Variants in KYAT3 observed in about 807,000 individuals in gnomAD.
The protein encoded by KYAT3 is kynurenine--oxoglutarate transaminase 3.
Under a neutral mutation model 59.0 loss-of-function variants are expected in KYAT3, and 50 were observed. The observed-to-expected ratio is 0.85, with a 90% CI of 0.68 to 1.07. The LOEUF (loss-of-function observed/expected upper bound fraction) is 1.07, where lower values mean the gene tolerates loss of function less well. Among genes scored for constraint, KYAT3 ranks in the 50% least tolerant of loss-of-function variants. The pLI, the probability that KYAT3 is intolerant of heterozygous loss-of-function variation, is 0.00. For missense variants in KYAT3, 497 were observed against 533.3 expected, an observed-to-expected ratio of 0.93 and a Z score of 0.67; for synonymous variants, 148 against 177.0, an observed-to-expected ratio of 0.84 and a Z score of 1.30.
Position 88,964,822 on chromosome 1 carries a change from T to C in KYAT3, c.453+7A>G, listed in dbSNP as rs1157149420. 6.3e-7 allele frequency: 1 copy of C among 1,580,668 alleles called. No individual in the cohort carries two copies. Among genetic ancestry groups the C allele is most frequent in the South Asian group, 1.2e-5 (1 of 86,258 alleles). On this transcript the variant is annotated splice_region_variant and intron_variant, in intron 5 of 13. Coordinates refer to ENST00000260508, the MANE Select transcript of KYAT3 (RefSeq NM_001008661.3). The stretch of plus-strand genomic sequence containing the variant: ...TATGGGTATTACGATAATGTTAATA[T>C]ACTTACTTCATCTCCCTCATCAATT...
chr1:88,967,237 T>A (rs1676383570), intron 4 of KYAT3, among the ~76,000 whole-genome samples: 1 of 152,016 alleles, frequency 6.6e-6, no homozygotes, highest in South Asian at 2.1e-4. Context: ...ACTAATTTTA[T>A]GAGACCAGCA....
intron 2 of KYAT3, chr1:88,980,882 G>C (rs1177688946): frequency 2.0e-5 from 3 of 152,166 alleles, no homozygotes; most frequent in Non-Finnish European, 2.9e-5. Context: ...TACCCTTGTG[G>C]TCTGTGATTA....
intron 8 of KYAT3, among the ~76,000 whole-genome samples, chr1:88,955,933 T>C (rs539491293): frequency 1.8e-4 from 28 of 152,326 alleles, no homozygotes; most frequent in Admixed American, 1.5e-3. Flanking sequence ...ATTTAAAGTA[T>C]GCCATTCAGT....
At chr1:88,959,020 G>A (rs1423338191) in intron 8 of KYAT3, among the ~76,000 whole-genome samples, 2 of 152,182 alleles carry the variant, frequency 1.3e-5, no homozygotes, top group African/African-American at 4.8e-5. Flanking sequence ...GCTTATGCCT[G>A]TAATCACAGC....
In KYAT3 at chr1:88,949,233, A is replaced by T. The variant is rs1217802593; in HGVS notation, c.999T>A (p.Asp333Glu). Residue 333 changes from aspartate (D) to glutamate (E), a missense_variant, in exon 11 of 14, where the codon GAT becomes GAA. Physicochemically the swap from Asp to Glu is conservative, Grantham distance 45. Coordinates refer to ENST00000260508, the MANE Select transcript of KYAT3 (RefSeq NM_001008661.3). ...AAGAATTAAAGTAACATTCTGGGTC[A>T]TCCATGCGCTTGATGTCAATCCAGA... The part of the protein sequence containing the change: ...QAFWIDIKRM[D>E]DPECYFNSLP... 1 of 1,598,368 alleles carries T rather than the reference A, an allele frequency of 6.3e-7. No individual in the cohort carries two copies. Among genetic ancestry groups the T allele is most frequent in the Admixed American group, 1.8e-5 (1 of 55,828 alleles).
intron 2 of KYAT3, among the ~76,000 whole-genome samples, chr1:88,974,570 T>A (rs896364800): frequency 2.0e-5 from 3 of 147,882 alleles, no homozygotes; most frequent in Admixed American, 7.0e-5. Context: ...GCCTCTTGGG[T>A]TCAAGCGATT....
At chr1:88,990,201 G>A (rs559759488) in intron 1 of KYAT3, among the ~76,000 whole-genome samples, 1 of 151,962 alleles carries the variant, frequency 6.6e-6, no homozygotes, top group Non-Finnish European at 1.5e-5. Context: ...TCCCTCTACG[G>A]ATACCTTGCT....
In KYAT3 at chr1:88,943,086, T is replaced by G; in HGVS notation, c.1221A>C (p.Leu407=). The stretch of plus-strand genomic sequence containing the variant: ...AGAATGCTGAAACGGGGATGGCTGA[T>G]AGTTTCTGAAAAATAAATAGAAACA... ...FVKWMTKHKK[L]SAIPVSAFCN... is the part of the protein sequence containing the mutation. Residue 407 remains leucine (L), a synonymous_variant, in exon 13 of 14, where the codon CTA becomes CTC. Transcript: ENST00000260508. 1 of 1,608,440 alleles carries G rather than the reference T, an allele frequency of 6.2e-7. No individual in the cohort carries two copies. Among genetic ancestry groups the G allele is most frequent in the Non-Finnish European group, 8.5e-7 (1 of 1,175,934 alleles).
the KYAT3 span, among the ~76,000 whole-genome samples, chr1:88,927,901 G>C: frequency 6.6e-6 from 1 of 152,154 alleles, no homozygotes; most frequent in African/African-American, 2.4e-5. Flanking sequence ...CAGCCCGAGA[G>C]TTTGGTGATC....
At chr1:88,950,945 C>T (rs1023717847) in intron 10 of KYAT3, among the ~76,000 whole-genome samples, 1 of 152,212 alleles carries the variant, frequency 6.6e-6, no homozygotes, top group Non-Finnish European at 1.5e-5. Flanking sequence ...CTACTCTTCT[C>T]TCAATCATTC....
Position 88,986,060 on chromosome 1 carries a change from A to T in KYAT3, c.99+2192T>A, listed in dbSNP as rs189103781. On this transcript the variant is annotated intron_variant, in intron 2 of 13. Transcript: ENST00000260508. ...GCCGGGAGTGGTGGCGGGCACCTATAGTCCCAGCTACTCAGGAGGCTGAGG... is the reference window on the plus strand; with the variant it reads ...GCCGGGAGTGGTGGCGGGCACCTATTGTCCCAGCTACTCAGGAGGCTGAGG... Among the ~76,000 whole-genome samples, 1,286 of 152,108 alleles carry T rather than the reference A, an allele frequency of 8.5e-3. 15 individuals are homozygous for T. The highest frequency in any genetic ancestry group is 0.03 in the African/African-American group (1,245 of 41,500).
chr1:88,982,289 T>G, intron 2 of KYAT3: 1 of 679,444 alleles, frequency 1.5e-6, no homozygotes, highest in Non-Finnish European at 1.9e-6. Context: ...CATCTCTCCA[T>G]TTTAGTTGGC....
In KYAT3 at chr1:88,961,376, C is replaced by A; in HGVS notation, c.666+5G>T. ...AGACTGTATAAGGAGATGAGACTTG[C>A]TTACCTTGCCAAGTGGGTTATGTGG... On this transcript the variant is annotated splice_donor_5th_base_variant and intron_variant, in intron 7 of 13. Coordinates refer to ENST00000260508, the MANE Select transcript of KYAT3 (RefSeq NM_001008661.3). 11 of 1,613,766 alleles carry A rather than the reference C, an allele frequency of 6.8e-6. No individual in the cohort carries two copies. The highest frequency in any genetic ancestry group is 9.3e-6 in the Non-Finnish European group (11 of 1,179,830).
At chr1:88,958,326 CTA>C (rs755012496) in intron 8 of KYAT3, among the ~76,000 whole-genome samples, 1 of 151,134 alleles carries the variant, frequency 6.6e-6, no homozygotes, top group African/African-American at 2.4e-5. Flanking sequence ...ATGCTATACT[CTA>C]TAGTTTCTAA....
At chr1:88,988,526 T>C (rs1284793013) in intron 1 of KYAT3, among the ~76,000 whole-genome samples, 175 bp from the exon 2 acceptor site, 1 of 152,234 alleles carries the variant, frequency 6.6e-6, no homozygotes, top group Admixed American at 6.5e-5. Context: ...CTCTCATCAC[T>C]GGAGGCATTC....
chr1:88,965,372 C>T (rs773357979), intron 4 of KYAT3, among the ~76,000 whole-genome samples: 18 of 152,202 alleles, frequency 1.2e-4, no homozygotes, highest in Non-Finnish European at 2.5e-4. Flanking sequence ...CACTCCTTGG[C>T]TCTTCCTGAT....
rs1210049074 is a variant in KYAT3 at position 88,992,525 on chromosome 1, G to A, written c.-2+60C>T. The A allele has an allele frequency of 1.0e-4, 16 of 152,574 alleles. 1 individual carries two copies. Among genetic ancestry groups the A allele is most frequent in the Admixed American group, 5.2e-4 (8 of 15,290 alleles). The allele number at this position is 152,574 out of a possible 1,614,324, so 9.5% of individuals were successfully genotyped here. A position where few individuals can be genotyped will look rare whatever the true frequency, so the allele number is the denominator to read the frequency against. On this transcript the variant is annotated intron_variant, in intron 1 of 13. Coordinates refer to ENST00000260508, the MANE Select transcript of KYAT3 (RefSeq NM_001008661.3). ...TCCGTTCCCTCGCCCCGTACGCCGG[G>A]ACGGCCCTAGTCAGTCCGCACGGAA...
chr1:88,949,831 T>C (rs563369509), intron 10 of KYAT3, among the ~76,000 whole-genome samples: 3 of 152,216 alleles, frequency 2.0e-5, no homozygotes, highest in Non-Finnish European at 4.4e-5. Context: ...GTAATTCCTC[T>C]ATCTTTCTTC....
chr1:88,944,433 T>G (rs1190809607), intron 11 of KYAT3, among the ~76,000 whole-genome samples: 1 of 152,162 alleles, frequency 6.6e-6, no homozygotes, highest in Non-Finnish European at 1.5e-5. Flanking sequence ...CCCCTGTGTT[T>G]TAAGGAGAAC....
Sources: gnomAD v4.1 joint callset for allele counts (sites outside exome capture counted in the v4.1 genomes callset) on GRCh38, gnomAD v4.1.1 for gene constraint, MANE v1.5 for transcripts, NCBI Gene and HGNC (gene_info 2026-07-23, HGNC 2026-07-21) for gene names.